Variants in SUSD6 observed in about 807,000 individuals in gnomAD.
SUSD6 encodes sushi domain containing 6.
A neutral mutation model predicts 28.4 loss-of-function variants in SUSD6; 16 were observed. The ratio of observed to expected loss-of-function variants is 0.56; its 90% CI spans 0.38 to 0.86. The LOEUF (loss-of-function observed/expected upper bound fraction) is 0.86. Ranked by LOEUF, SUSD6 falls within the 40% of genes least tolerant of loss-of-function variation. The pLI is 0.00. For synonymous variants in SUSD6, 147 were observed against 159.6 expected, an observed-to-expected ratio of 0.92 and a Z score of 0.59; for missense variants, 341 against 384.2, an observed-to-expected ratio of 0.89 and a Z score of 0.94.
intron 1 of SUSD6, among the ~76,000 whole-genome samples, chr14:69,652,991 T>A (rs183505180): frequency 1.3e-4 from 20 of 152,318 alleles, no homozygotes; most frequent in African/African-American, 4.6e-4. Context: ...TTGTTCCTTT[T>A]GAGCCTCAAC....
chr14:69,681,906 G>C (rs983368980), intron 2 of SUSD6, among the ~76,000 whole-genome samples: 1 of 152,186 alleles, frequency 6.6e-6, no homozygotes, highest in African/African-American at 2.4e-5. Flanking sequence ...GTTAAATACT[G>C]TGTTAAATGT....
intron 2 of SUSD6, among the ~76,000 whole-genome samples, chr14:69,658,937 C>G (rs1248229780): frequency 1.3e-5 from 2 of 152,084 alleles, no homozygotes; most frequent in African/African-American, 4.8e-5. Flanking sequence ...CCTTGTCACC[C>G]CTCTCCCCCA....
At chr14:69,622,627 T>G (rs1187562347) in intron 1 of SUSD6, among the ~76,000 whole-genome samples, 2 of 152,158 alleles carry the variant, frequency 1.3e-5, no homozygotes, top group African/African-American at 4.8e-5. Context: ...GGAGTCTCAC[T>G]CTGTTGCGCA....
intron 2 of SUSD6, among the ~76,000 whole-genome samples, chr14:69,684,849 A>G (rs1178504173): frequency 6.6e-6 from 1 of 152,248 alleles, no homozygotes; most frequent in Non-Finnish European, 1.5e-5. Context: ...TGAGTCTTCA[A>G]CTTTCACCTC....
intron 2 of SUSD6, among the ~76,000 whole-genome samples, chr14:69,665,078 T>C (rs539533981): frequency 6.6e-6 from 1 of 152,216 alleles, no homozygotes; most frequent in Admixed American, 6.5e-5. Context: ...AGATTTAGCT[T>C]TGGGGCCCAG....
Position 69,709,397 on chromosome 14 carries a change from G to A in SUSD6, c.886+293G>A, listed in dbSNP as rs183641450. Among the ~76,000 whole-genome samples, 640 of 152,268 alleles carry A rather than the reference G, an allele frequency of 4.2e-3. 3 individuals carry two copies. Among genetic ancestry groups the A allele is most frequent in the Admixed American group, 7.0e-3 (107 of 15,298 alleles). ...AAAAGACAGCTTGCTGGAGTTGGGG[G>A]TGGGGTCTGTCCTCTTGTTATAAAT... On this transcript the variant is annotated intron_variant, in intron 5 of 5. Transcript: ENST00000342745.
chr14:69,659,461 G>A (rs893600053), intron 2 of SUSD6, among the ~76,000 whole-genome samples: 2 of 152,184 alleles, frequency 1.3e-5, no homozygotes, highest in African/African-American at 4.8e-5. Flanking sequence ...AAGATGGTGA[G>A]CTGGACGGGC....
chr14:69,694,281 G>C (rs534185765), intron 2 of SUSD6, among the ~76,000 whole-genome samples: 5 of 152,210 alleles, frequency 3.3e-5, no homozygotes, highest in Non-Finnish European at 7.3e-5. Flanking sequence ...TGCTGTTATT[G>C]AACACTTAGT....
intron 1 of SUSD6, among the ~76,000 whole-genome samples, chr14:69,624,739 G>A (rs1372141970): frequency 7.9e-5 from 12 of 152,296 alleles, no homozygotes; most frequent in Non-Finnish European, 1.5e-4. Flanking sequence ...ACAGGCGTGA[G>A]CCACCGTGCC....
At chr14:69,617,223 A>G (rs1884972150) in intron 1 of SUSD6, 1 of 152,138 alleles carries the variant, frequency 6.6e-6, no homozygotes, top group African/African-American at 2.4e-5. Context: ...TTTTTTGGTT[A>G]TGAATAATAT....
chr14:69,665,955 T>G (rs1055581359), intron 2 of SUSD6, among the ~76,000 whole-genome samples: 4 of 152,376 alleles, frequency 2.6e-5, no homozygotes, highest in Non-Finnish European at 5.9e-5. Context: ...GTAAGGCATT[T>G]GGAACATTGC....
At chr14:69,691,381 C>T (rs1886150597) in intron 2 of SUSD6, among the ~76,000 whole-genome samples, 1 of 152,168 alleles carries the variant, frequency 6.6e-6, no homozygotes, top group Non-Finnish European at 1.5e-5. Context: ...CCCATTCAGA[C>T]CTCCACCCCT....
At chr14:69,708,650 C>T in intron 4 of SUSD6, 27 bp from the exon 5 acceptor site, 6 of 1,505,868 alleles carry the variant, frequency 4.0e-6, no homozygotes, top group South Asian at 1.3e-5. Flanking sequence ...TCTAATTCAT[C>T]CTTTGTCTTT....
Position 69,654,921 on chromosome 14 carries a change from A to AG in SUSD6, c.-80-3591dup, listed in dbSNP as rs558990087. Among the ~76,000 whole-genome samples, 3 of 151,246 alleles carry AG rather than the reference A, an allele frequency of 2.0e-5. No homozygotes were observed. In the South Asian group the frequency reaches 6.3e-4, roughly 32 times the overall value. On this transcript the variant is annotated intron_variant, in intron 1 of 5. Transcript: ENST00000342745. Reference sequence around the variant, plus strand: ...GCGATTCTCCTGCCTCAGCCTCCTGAGTAGCTGGGATTACAGGTGCCCGCC... The same window carrying AG: ...GCGATTCTCCTGCCTCAGCCTCCTGAGGTAGCTGGGATTACAGGTGCCCGCC...
At position 69,681,606 on chromosome 14, in the gene SUSD6, T is replaced by C. The variant is rs1177309456; in HGVS notation, c.122-21789T>C. Among the ~76,000 whole-genome samples the C allele has an allele frequency of 3.3e-5, 5 of 152,348 alleles. No homozygotes were observed. In the East Asian group the frequency reaches 9.6e-4, roughly 29 times the overall value. ...TTTGATTGCAGGAATCTTCATGTCA[T>C]TGTTAACATCTGAAAGAGTTGACTT... On this transcript the variant is annotated intron_variant, in intron 2 of 5. Transcript: ENST00000342745.
intron 1 of SUSD6, among the ~76,000 whole-genome samples, chr14:69,657,967 T>C (rs992050267): frequency 6.6e-6 from 1 of 152,326 alleles, no homozygotes; most frequent in African/African-American, 2.4e-5. Flanking sequence ...GGGTGAGCCT[T>C]GATTAATGAG....
At chr14:69,635,636 C>CAA (rs1435149050) in intron 1 of SUSD6, among the ~76,000 whole-genome samples, 1 of 139,934 alleles carries the variant, frequency 7.1e-6, no homozygotes, top group East Asian at 2.1e-4. Context: ...CACACACACA[C>CAA]ACACACATTT....
At chr14:69,701,872 A>C (rs770081515) in intron 2 of SUSD6, among the ~76,000 whole-genome samples, 1 of 152,154 alleles carries the variant, frequency 6.6e-6, no homozygotes, top group African/African-American at 2.4e-5. Context: ...TTTTCTCCCC[A>C]TCTCAAGTGA....
At chr14:69,681,148 T>C (rs1002470008) in intron 2 of SUSD6, among the ~76,000 whole-genome samples, 2 of 152,252 alleles carry the variant, frequency 1.3e-5, no homozygotes, top group Non-Finnish European at 2.9e-5. Context: ...AACAGTCTGA[T>C]GGCAACAACT....
Sources: allele counts gnomAD v4.1 joint callset (sites outside exome capture counted in the v4.1 genomes callset), GRCh38; gene constraint gnomAD v4.1.1; transcripts MANE v1.5; gene names NCBI Gene and HGNC (gene_info 2026-07-23, HGNC 2026-07-21).